The following DYDC1 variants were observed in gnomAD, a reference collection of about 807,000 sequenced individuals.
DYDC1 encodes the protein DPY30 domain containing 1, also known as DPY30 domain-containing protein 1.
Under a neutral mutation model 27.9 loss-of-function variants are expected in DYDC1, and 21 were observed. The ratio of observed to expected loss-of-function variants is 0.75; its 90% CI spans 0.53 to 1.08. The LOEUF (loss-of-function observed/expected upper bound fraction) is 1.08. DYDC1 is among the 50% of genes least tolerant of loss of function. DYDC1 has a pLI of 0.00. For missense variants in DYDC1, 202 were observed against 205.9 expected (o/e 0.98, Z 0.12); for synonymous variants, 67 against 65.8 (o/e 1.02, Z -0.09).
chr10:80,341,858 C>G (rs755254563), intron 4 of DYDC1, among the ~76,000 whole-genome samples: 6 of 151,950 alleles, frequency 3.9e-5, no homozygotes, highest in Non-Finnish European at 5.9e-5. Context: ...AACCCTGTCT[C>G]TACCAAAAAT....
At chr10:80,354,573 T>C (rs1843240802) in intron 1 of DYDC1, 1 of 151,768 alleles carries the variant, frequency 6.6e-6, no homozygotes, top group Non-Finnish European at 1.5e-5. Context: ...GAATTGAATA[T>C]CTGTGTCCCC....
At chr10:80,337,106 T>C in intron 6 of DYDC1, 1 of 984,440 alleles carries the variant, frequency 1.0e-6, no homozygotes, top group Non-Finnish European at 1.2e-6. Context: ...TAATACTGGA[T>C]GACTTCAGTC....
In DYDC1 at chr10:80,351,934, CT is replaced by C. The variant is rs749378309; in HGVS notation, c.215del (p.Glu72GlyfsTer19). On this transcript the variant is annotated frameshift_variant, in exon 3 of 7. Coordinates refer to ENST00000372202, the MANE Select transcript of DYDC1 (RefSeq NM_001269053.2). LOFTEE classifies it high-confidence loss of function. ...GTAAGAGCTCCTCTGCTTTGAGCCT[CT>C]CCATCATTTCCTGCTCCATCAGAGC... ...ELALMEQEMM[E>X]RLKAEELLLQ... is the part of the protein sequence containing the mutation. 1.9e-6 allele frequency: 3 copies of C among 1,614,206 alleles called. No individual in the cohort carries two copies. The Admixed American group carries it at 5.0e-5, about 27-fold the overall frequency.
At chr10:80,340,311 G>A (rs1003060672) in intron 4 of DYDC1, among the ~76,000 whole-genome samples, 2 of 152,188 alleles carry the variant, frequency 1.3e-5, no homozygotes, top group African/African-American at 2.4e-5. Context: ...TACATTGCGA[G>A]TCTGCAGCCA....
At chr10:80,352,401 C>G in intron 2 of DYDC1, 54 bp downstream of exon 2, 1 of 1,475,358 alleles carries the variant, frequency 6.8e-7, no homozygotes, top group Non-Finnish European at 9.0e-7. Flanking sequence ...TAAAAGCAGA[C>G]AAGTTGGACC....
At position 80,338,572 on chromosome 10, in the gene DYDC1, C is replaced by T. The variant is rs1285118128; in HGVS notation, c.400-1G>A. On this transcript the variant is annotated splice_acceptor_variant, in intron 5 of 6. Transcript: ENST00000372202. LOFTEE classifies it high-confidence loss of function. ...TTTTGCCTGAGTCTAGTGTTGCTTC[C>T]TACAATCAAAAAATTGATTTTTACT... The T allele has an allele frequency of 2.0e-6, 3 of 1,531,566 alleles. No individual in the cohort carries two copies. The highest frequency in any genetic ancestry group is 2.6e-5 in the South Asian group (2 of 75,644). 94.9% of individuals were successfully genotyped at this position (1,531,566 alleles called of 1,614,324 possible).
intron 2 of DYDC1, 167 bp downstream of exon 2, chr10:80,352,288 C>T (rs1843042029): frequency 3.8e-6 from 4 of 1,062,666 alleles, no homozygotes; most frequent in South Asian, 4.6e-5. Context: ...AAATAGAAGT[C>T]TTCTTTGGGT....
Position 80,347,276 on chromosome 10 carries a change from CTT to C in DYDC1, c.249+4623_249+4624del, listed in dbSNP as rs556362145. 1.3e-4 allele frequency among the ~76,000 whole-genome samples: 12 copies of C among 90,112 alleles called. 3 individuals carry two copies. Among genetic ancestry groups the C allele is most frequent in the African/African-American group, 4.8e-4 (11 of 22,840 alleles). The allele number at this position is 90,112 out of a possible 152,430, so 59.1% of individuals were successfully genotyped here. On this transcript the variant is annotated intron_variant, in intron 3 of 6. Transcript: ENST00000372202. ...CTTTGCCCATTTTTTAATTGGGATC[CTT>C]TTTTTTTTTTTTTTTTTTTTTTTTT...
chr10:80,348,022 T>A (rs1269721086), intron 3 of DYDC1, among the ~76,000 whole-genome samples: 2 of 152,358 alleles, frequency 1.3e-5, no homozygotes, highest in East Asian at 3.9e-4. Context: ...GGGATTGAGA[T>A]GAATCTGCAG....
At chr10:80,350,885 A>G (rs1842939017) in intron 3 of DYDC1, among the ~76,000 whole-genome samples, 1 of 152,094 alleles carries the variant, frequency 6.6e-6, no homozygotes, top group African/African-American at 2.4e-5. Flanking sequence ...CAATTCCCTT[A>G]CCAATATCTT....
intron 3 of DYDC1, among the ~76,000 whole-genome samples, chr10:80,347,276 CT>C (rs556362145): frequency 7.8e-5 from 7 of 90,108 alleles, no homozygotes; most frequent in Non-Finnish European, 1.3e-4. Context: ...AATTGGGATC[CT>C]TTTTTTTTTT....
At chr10:80,351,453 C>T (rs1253613459) in intron 3 of DYDC1, among the ~76,000 whole-genome samples, 1 of 151,248 alleles carries the variant, frequency 6.6e-6, no homozygotes, top group East Asian at 1.9e-4. Flanking sequence ...AAAGCATTGC[C>T]TACATTTTCC....
chr10:80,342,208 AAC>A (rs1842352555), intron 4 of DYDC1, 59 bp downstream of exon 4: 1 of 1,527,148 alleles, frequency 6.5e-7, no homozygotes, highest in African/African-American at 1.4e-5. Flanking sequence ...AGCTGAAATA[AAC>A]AGTTTGAAGA....
At position 80,351,886 on chromosome 10, in the gene DYDC1, T is replaced by G. The variant is rs1375510448; in HGVS notation, c.249+15A>C. 1 of 1,613,590 alleles carries G rather than the reference T, an allele frequency of 6.2e-7. No homozygotes were observed. Among genetic ancestry groups the G allele is most frequent in the South Asian group, 1.1e-5 (1 of 91,048 alleles). On this transcript the variant is annotated intron_variant, in intron 3 of 6. Transcript: ENST00000372202. ...GTTAATTCCAGTCCCCTCTGAACTCTCCTACTTGCCTCACCTGCTGAAGTA... is the reference window on the plus strand; with the variant it reads ...GTTAATTCCAGTCCCCTCTGAACTCGCCTACTTGCCTCACCTGCTGAAGTA...
intron 3 of DYDC1, among the ~76,000 whole-genome samples, chr10:80,349,893 A>G (rs1842884911): frequency 6.6e-6 from 1 of 152,132 alleles, no homozygotes; most frequent in African/African-American, 2.4e-5. Flanking sequence ...CCCTGTTCAC[A>G]AAAAACTAGG....
intron 6 of DYDC1, chr10:80,337,247 C>G (rs1299613974): frequency 1.0e-5 from 10 of 985,350 alleles, no homozygotes; most frequent in Middle Eastern, 5.2e-4. Context: ...AGAAGCTTCC[C>G]CATTGGCCCA....
At position 80,351,987 on chromosome 10, in the gene DYDC1, C is replaced by T; in HGVS notation, c.163G>A (p.Ala55Thr). 7 of 1,614,050 alleles carry T rather than the reference C, an allele frequency of 4.3e-6. No homozygotes were observed. The highest frequency in any genetic ancestry group is 5.9e-6 in the Non-Finnish European group (7 of 1,180,014). The change falls in exon 3 of 7, where the codon GCC (alanine) becomes ACC (threonine). Residue 55 changes from alanine to threonine, a missense_variant. Coordinates refer to ENST00000372202, the MANE Select transcript of DYDC1 (RefSeq NM_001269053.2). ...TMEQLRQKEM[A>T]KLERERELAL... The stretch of plus-strand genomic sequence containing the variant: ...AATTCTCTTTCACGCTCCAGCTTGG[C>T]CATTTCCTTTTGTCTCTAGCATTGT...
intron 3 of DYDC1, among the ~76,000 whole-genome samples, chr10:80,346,152 AT>A (rs1226849139): frequency 1.3e-5 from 2 of 151,944 alleles, no homozygotes; most frequent in Non-Finnish European, 2.9e-5. Context: ...TCAGCTCACA[AT>A]TTCTTTATCC....
In DYDC1 at chr10:80,352,615, A is replaced by G; in HGVS notation, c.-9-5T>C. 1 of 1,594,790 alleles carries G rather than the reference A, an allele frequency of 6.3e-7. No individual in the cohort carries two copies. Among genetic ancestry groups the G allele is most frequent in the Non-Finnish European group, 8.5e-7 (1 of 1,174,648 alleles). ...TATTGACTCCATTTCTAACTCCTAA[A>G]AAGTAAGTGTTTTTGCATTACTGCA... is the stretch of plus-strand genomic sequence containing the variant. On this transcript the variant is annotated splice_polypyrimidine_tract_variant and splice_region_variant and intron_variant, in intron 1 of 6. Coordinates refer to ENST00000372202, the MANE Select transcript of DYDC1 (RefSeq NM_001269053.2).
Sources: gnomAD v4.1 joint callset for allele counts (sites outside exome capture counted in the v4.1 genomes callset) on GRCh38, gnomAD v4.1.1 for gene constraint, MANE v1.5 for transcripts, NCBI Gene and HGNC (gene_info 2026-07-23, HGNC 2026-07-21) for gene names.